The following SLC66A3 variants were observed in gnomAD, a reference collection of about 807,000 sequenced individuals.
The protein encoded by SLC66A3 is solute carrier family 66 member 3.
A neutral mutation model predicts 25.5 loss-of-function variants in SLC66A3; 23 were observed. The observed-to-expected ratio is 0.90, with a 90% confidence interval of 0.65 to 1.28. SLC66A3 has a LOEUF of 1.28. Among genes scored for constraint, SLC66A3 ranks in the 50% most tolerant of loss-of-function variants. SLC66A3 has a pLI of 0.00. For synonymous variants in SLC66A3, 108 were observed against 112.6 expected (o/e 0.96, Z 0.26); for missense variants, 246 against 262.1 (o/e 0.94, Z 0.42).
intron 5 of SLC66A3, among the ~76,000 whole-genome samples, chr2:11,174,023 C>T (rs1039529578): frequency 2.0e-5 from 3 of 152,286 alleles, no homozygotes; most frequent in Non-Finnish European, 2.9e-5. Context: ...GGCATGATCT[C>T]GGCTCACTGC....
chr2:11,172,273 G>A (rs1158393256), intron 5 of SLC66A3, among the ~76,000 whole-genome samples: 2 of 151,776 alleles, frequency 1.3e-5, no homozygotes, highest in Non-Finnish European at 1.5e-5. Context: ...AAAAGTGAAA[G>A]CCTATTTTTC....
intron 4 of SLC66A3, among the ~76,000 whole-genome samples, chr2:11,164,860 T>TTA (rs1385107383): frequency 6.6e-6 from 1 of 152,160 alleles, no homozygotes; most frequent in Admixed American, 6.5e-5. Context: ...GGGGGTAAGG[T>TTA]TATAGATCAA....
chr2:11,161,883 G>C (rs1572179280), intron 3 of SLC66A3, among the ~76,000 whole-genome samples: 1 of 152,216 alleles, frequency 6.6e-6, no homozygotes, highest in African/African-American at 2.4e-5. Flanking sequence ...GAAATGGCTT[G>C]AGCTGTTTCT....
In SLC66A3 at chr2:11,167,513, G is replaced by A. The variant is rs1011436817; in HGVS notation, c.354+3252G>A. On this transcript the variant is annotated intron_variant, in intron 4 of 6. Coordinates refer to ENST00000295083, the MANE Select transcript of SLC66A3 (RefSeq NM_152391.5). ...ACAACAGCTTTTAGGTGTTTGTTCT[G>A]TGCCCTTAGCAGTAGTCATCTATTC... Among the ~76,000 whole-genome samples the A allele has an allele frequency of 2.0e-5, 3 of 152,192 alleles. 1 individual carries two copies. Among genetic ancestry groups the A allele is most frequent in the African/African-American group, 7.2e-5 (3 of 41,456 alleles).
At chr2:11,169,061 T>C (rs1235074124) in intron 4 of SLC66A3, among the ~76,000 whole-genome samples, 1 of 152,138 alleles carries the variant, frequency 6.6e-6, no homozygotes, top group Non-Finnish European at 1.5e-5. Context: ...TTTCACCATG[T>C]TGGTCAGGCT....
chr2:11,171,191 G>GC (rs1662541028), intron 4 of SLC66A3, among the ~76,000 whole-genome samples: 2 of 152,098 alleles, frequency 1.3e-5, no homozygotes. Context: ...GGTGGCACGT[G>GC]CCTGTACTCC....
chr2:11,160,540 T>C lies in SLC66A3; in HGVS notation c.218T>C (p.Ile73Thr). ...PLTYLEYPIL[I>T]AQDVILLLCI... ...ACCTACCTGGAGTACCCCATCCTCA[T>C]CGCGCAAGGTAACAGCCCCTTCCCT... The change falls in exon 2 of 7, where the codon ATC becomes ACC. Residue 73 changes from isoleucine to threonine, a missense_variant. By Grantham distance (89) the Ile-to-Thr change is moderately conservative. Transcript: ENST00000295083. The C allele has an allele frequency of 6.2e-7, 1 of 1,614,104 alleles. No homozygotes were observed. The highest frequency in any genetic ancestry group is 8.5e-7 in the Non-Finnish European group (1 of 1,180,006).
chr2:11,177,567 G>A (rs2148006688), intron 6 of SLC66A3, among the ~76,000 whole-genome samples, 170 bp from the exon 7 acceptor site: 1 of 152,316 alleles, frequency 6.6e-6, no homozygotes, highest in East Asian at 1.9e-4. Context: ...GGGCCAAGGG[G>A]CCAAAAATTG....
chr2:11,160,730 G>C, intron 3 of SLC66A3, 36 bp downstream of exon 3: 1 of 1,613,352 alleles, frequency 6.2e-7, no homozygotes, highest in Non-Finnish European at 8.5e-7. Flanking sequence ...AGTGGGAACG[G>C]GGATGTTATT....
At chr2:11,169,014 C>G (rs6753902) in intron 4 of SLC66A3, among the ~76,000 whole-genome samples, 1 of 152,194 alleles carries the variant, frequency 6.6e-6, no homozygotes, top group South Asian at 2.1e-4. Context: ...CACGCCACCA[C>G]GCCTGGCTAA....
At chr2:11,166,842 C>G (rs1057246430) in intron 4 of SLC66A3, among the ~76,000 whole-genome samples, 1 of 152,158 alleles carries the variant, frequency 6.6e-6, no homozygotes, top group Non-Finnish European at 1.5e-5. Context: ...TTGCAGTGAG[C>G]CAGGATCACG....
At chr2:11,171,235 T>C (rs1400342265) in intron 4 of SLC66A3, among the ~76,000 whole-genome samples, 3 of 152,046 alleles carry the variant, frequency 2.0e-5, no homozygotes, top group African/African-American at 7.2e-5. Context: ...GGAGAATTGC[T>C]TGAACCTGGG....
chr2:11,171,880 T>A (rs1486651290), intron 4 of SLC66A3, 45 bp from the exon 5 acceptor site: 28 of 1,609,350 alleles, frequency 1.7e-5, no homozygotes, highest in Non-Finnish European at 2.4e-5. Context: ...TTTTGCTTTT[T>A]TAACAAATCG....
chr2:11,175,831 A>G (rs1662719738), intron 6 of SLC66A3, among the ~76,000 whole-genome samples: 1 of 152,234 alleles, frequency 6.6e-6, no homozygotes, highest in Non-Finnish European at 1.5e-5. Flanking sequence ...TCACCTGTGA[A>G]GATCAGAAAA....
chr2:11,174,993 C>T lies in SLC66A3; in HGVS notation c.501C>T (p.Thr167=). The change falls in exon 6 of 7, where the codon ACC becomes ACT. Residue 167 remains threonine, a synonymous_variant. Transcript: ENST00000295083. Reference sequence around the variant, plus strand: ...CAAGAATAATCACAACCTTAATGACCACCAATGATTTTACAAGTAAGCAAA... The same window carrying T: ...CAAGAATAATCACAACCTTAATGACTACCAATGATTTTACAAGTAAGCAAA... ...CATRIITTLM[T]TNDFTILLRF... is the part of the protein sequence containing the mutation. 3 of 1,608,090 alleles carry T rather than the reference C, an allele frequency of 1.9e-6. No homozygotes were observed. The highest frequency in any genetic ancestry group is 1.1e-5 in the South Asian group (1 of 89,030).
chr2:11,158,013 T>G (rs1258980832), intron 1 of SLC66A3, among the ~76,000 whole-genome samples: 2 of 152,098 alleles, frequency 1.3e-5, no homozygotes, highest in African/African-American at 4.8e-5. Flanking sequence ...GGCCTCTGGG[T>G]AGGATGCCTT....
chr2:11,164,874 C>T (rs1043538828), intron 4 of SLC66A3, among the ~76,000 whole-genome samples: 2 of 152,250 alleles, frequency 1.3e-5, no homozygotes, highest in South Asian at 4.1e-4. Context: ...AGATCAACAG[C>T]ATCCCAAGGC....
Position 11,155,523 on chromosome 2 carries a change from C to T in SLC66A3, c.-24C>T. 1.3e-6 allele frequency: 2 copies of T among 1,483,786 alleles called. No homozygotes were observed. The highest frequency in any genetic ancestry group is 4.6e-5 in the Admixed American group (2 of 43,346). The allele number at this position is 1,483,786 out of a possible 1,614,324, so 91.9% of individuals were successfully genotyped here. A position where few individuals can be genotyped will look rare whatever the true frequency, so the allele number is the denominator to read the frequency against. On this transcript the variant is annotated 5_prime_UTR_variant, in exon 1 of 7. Coordinates refer to ENST00000295083, the MANE Select transcript of SLC66A3 (RefSeq NM_152391.5). Reference sequence around the variant, plus strand: ...AGCGGTCCCTTCTCGCTGCGGCCGCCCAGGTGCCCGCGCCCGTGGCGCTAT... The same window carrying T: ...AGCGGTCCCTTCTCGCTGCGGCCGCTCAGGTGCCCGCGCCCGTGGCGCTAT...
intron 1 of SLC66A3, among the ~76,000 whole-genome samples, chr2:11,158,817 T>G (rs1662002102): frequency 1.1e-5 from 1 of 92,166 alleles, no homozygotes; most frequent in Non-Finnish European, 3.0e-5. Flanking sequence ...AGACTCCATC[T>G]CAAAAAAAAA....
Sources: gnomAD v4.1 joint callset for allele counts (sites outside exome capture counted in the v4.1 genomes callset) on GRCh38, gnomAD v4.1.1 for gene constraint, MANE v1.5 for transcripts, NCBI Gene and HGNC (gene_info 2026-07-23, HGNC 2026-07-21) for gene names.